Variants in GALNT17 observed in about 807,000 individuals in gnomAD.
GALNT17 encodes the protein UDP-GalNAc:polypeptide N-acetylgalactosaminyltransferase-like 3.
GALNT17 carries 29 observed loss-of-function variants against 63.7 expected under a neutral mutation model. The observed-to-expected ratio is 0.46, with a 90% CI of 0.34 to 0.62. The LOEUF (loss-of-function observed/expected upper bound fraction) is 0.62, where lower values mean the gene tolerates loss of function less well. Ranked by LOEUF, GALNT17 falls within the 20% of genes least tolerant of loss-of-function variation. The pLI is 0.01. For synonymous variants in GALNT17, 305 were observed against 318.3 expected, an observed-to-expected ratio of 0.96 and a Z score of 0.45; for missense variants, 603 against 799.6, an observed-to-expected ratio of 0.75 and a Z score of 2.97.
chr7:71,418,176 C>G (rs1786578821), intron 4 of GALNT17, among the ~76,000 whole-genome samples: 1 of 152,174 alleles, frequency 6.6e-6, no homozygotes, highest in Non-Finnish European at 1.5e-5. Context: ...TATCTGCCCT[C>G]AAGTCTACAG....
At position 71,567,354 on chromosome 7, in the gene GALNT17, C is replaced by T. The variant is rs1789366180; in HGVS notation, c.963-3931C>T. Reference sequence around the variant, plus strand: ...TCTGTAAACACACAGAAGGGCACCTCCCAGTAAGAAGGTGAAGGCGCATTA... The same window carrying T: ...TCTGTAAACACACAGAAGGGCACCTTCCAGTAAGAAGGTGAAGGCGCATTA... On this transcript the variant is annotated intron_variant, in intron 5 of 10. Transcript: ENST00000333538. 3.3e-5 allele frequency among the ~76,000 whole-genome samples: 5 copies of T among 152,214 alleles called. No homozygotes were observed. In the South Asian group the frequency reaches 1.0e-3, roughly 32 times the overall value.
At chr7:71,169,500 G>A (rs1327775419) in intron 1 of GALNT17, among the ~76,000 whole-genome samples, 1 of 152,154 alleles carries the variant, frequency 6.6e-6, no homozygotes, top group Non-Finnish European at 1.5e-5. Context: ...GTCTTGGTTC[G>A]ATGTGGAAGT....
chr7:71,350,986 C>T (rs1419049859), intron 2 of GALNT17, among the ~76,000 whole-genome samples: 1 of 151,368 alleles, frequency 6.6e-6, no homozygotes, highest in African/African-American at 2.4e-5. Flanking sequence ...ACTAAAAATA[C>T]AAAAATTAGC....
intron 5 of GALNT17, among the ~76,000 whole-genome samples, chr7:71,433,727 T>C (rs1055264040): frequency 1.3e-5 from 2 of 152,170 alleles, no homozygotes; most frequent in African/African-American, 4.8e-5. Context: ...GCAGAACTGG[T>C]CATGGTAGAG....
Position 71,377,114 on chromosome 7 carries a change from A to ATATATATAT in GALNT17, c.423-11121_423-11120insTATATATAT, listed in dbSNP as rs1554362120. ...AAAAAAAAAAAATAAAAATAAAAAA[A>ATATATATAT]ATATATATATATATATATATATATA... is the stretch of plus-strand genomic sequence containing the variant. On this transcript the variant is annotated intron_variant, in intron 2 of 10. Transcript: ENST00000333538. Among the ~76,000 whole-genome samples, 142 of 57,440 alleles carry ATATATATAT rather than the reference A, an allele frequency of 2.5e-3. 9 individuals are homozygous for ATATATATAT. Among genetic ancestry groups the ATATATATAT allele is most frequent in the African/African-American group, 6.8e-3 (72 of 10,652 alleles). 37.7% of individuals were successfully genotyped at this position (57,440 alleles called of 152,430 possible).
chr7:71,144,327 G>A (rs1405319864), intron 1 of GALNT17, among the ~76,000 whole-genome samples: 1 of 152,050 alleles, frequency 6.6e-6, no homozygotes, highest in East Asian at 1.9e-4. Context: ...CCTGGGGAAC[G>A]TCCCACCTTG....
At chr7:71,414,334 A>G (rs1793486213) in intron 3 of GALNT17, among the ~76,000 whole-genome samples, 1 of 152,352 alleles carries the variant, frequency 6.6e-6, no homozygotes, top group Non-Finnish European at 1.5e-5. Context: ...ATCAACATTA[A>G]TAATTATGAT....
chr7:71,548,457 G>A (rs1789022877), intron 5 of GALNT17, among the ~76,000 whole-genome samples: 2 of 152,138 alleles, frequency 1.3e-5, no homozygotes, highest in African/African-American at 4.8e-5. Flanking sequence ...AAACTGGCTG[G>A]CCTTAGAGTT....
chr7:71,710,949 G>C (rs1241967346), intron 10 of GALNT17, 21 bp downstream of exon 10: 2 of 1,610,968 alleles, frequency 1.2e-6, no homozygotes, highest in South Asian at 2.2e-5. Flanking sequence ...TATGGACAGA[G>C]CCAGCACCCA....
At chr7:71,177,194 G>A (rs923296194) in intron 1 of GALNT17, among the ~76,000 whole-genome samples, 3 of 152,074 alleles carry the variant, frequency 2.0e-5, no homozygotes, top group Non-Finnish European at 2.9e-5. Flanking sequence ...ATCTCTCTTG[G>A]TATCCAAATC....
chr7:71,321,576 T>G (rs2116004816), intron 1 of GALNT17, among the ~76,000 whole-genome samples: 1 of 152,308 alleles, frequency 6.6e-6, no homozygotes, highest in African/African-American at 2.4e-5. Context: ...ACATTCTTCA[T>G]TGTCTTCGTG....
intron 6 of GALNT17, among the ~76,000 whole-genome samples, chr7:71,663,853 C>T: frequency 6.6e-6 from 1 of 152,064 alleles, no homozygotes; most frequent in East Asian, 1.9e-4. Context: ...TTGAAGTAAC[C>T]CATCTTGGAA....
chr7:71,540,071 G>C (rs1040608450), intron 5 of GALNT17, among the ~76,000 whole-genome samples: 2 of 121,696 alleles, frequency 1.6e-5, no homozygotes, highest in Admixed American at 9.6e-5. Context: ...TGTGATTACA[G>C]TTGTGAGCCA....
At chr7:71,144,127 C>G (rs539812266) in intron 1 of GALNT17, among the ~76,000 whole-genome samples, 1 of 152,114 alleles carries the variant, frequency 6.6e-6, no homozygotes, top group Non-Finnish European at 1.5e-5. Flanking sequence ...CTCTCAGGCT[C>G]CCACTTCTCT....
intron 2 of GALNT17, among the ~76,000 whole-genome samples, chr7:71,363,218 C>G: frequency 6.6e-6 from 1 of 152,206 alleles, no homozygotes; most frequent in Non-Finnish European, 1.5e-5. Flanking sequence ...CCACCCACCT[C>G]GGCCTCCCAA....
intron 5 of GALNT17, among the ~76,000 whole-genome samples, chr7:71,426,275 T>C (rs1786759458): frequency 6.6e-6 from 1 of 152,194 alleles, no homozygotes; most frequent in Non-Finnish European, 1.5e-5. Flanking sequence ...GTTCAACCTG[T>C]AGAGATTCCC....
intron 5 of GALNT17, among the ~76,000 whole-genome samples, chr7:71,486,750 C>G (rs1787916671): frequency 6.6e-6 from 1 of 151,750 alleles, no homozygotes; most frequent in South Asian, 2.1e-4. Flanking sequence ...GTAAGTCCAC[C>G]TACTCAGGAG....
At chr7:71,228,258 A>G (rs989372195) in intron 1 of GALNT17, among the ~76,000 whole-genome samples, 9 of 152,098 alleles carry the variant, frequency 5.9e-5, no homozygotes, top group African/African-American at 2.2e-4. Context: ...TCCTAACTCA[A>G]CCCAGCAAAC....
At chr7:71,569,633 G>T (rs1401727215) in intron 5 of GALNT17, among the ~76,000 whole-genome samples, 3 of 152,168 alleles carry the variant, frequency 2.0e-5, no homozygotes, top group Admixed American at 2.0e-4. Context: ...TTGGTCCCTG[G>T]ACTGAACTCT....
Sources: allele counts gnomAD v4.1 joint callset (sites outside exome capture counted in the v4.1 genomes callset), GRCh38; gene constraint gnomAD v4.1.1; transcripts MANE v1.5; gene names NCBI Gene and HGNC (gene_info 2026-07-23, HGNC 2026-07-21).